Variants in FXR1 observed in about 807,000 individuals in gnomAD.
The protein encoded by FXR1 is RNA-binding protein FXR1.
Under a neutral mutation model 84.0 loss-of-function variants are expected in FXR1, and 15 were observed. The ratio of observed to expected loss-of-function variants is 0.18; its 90% CI spans 0.12 to 0.27. The LOEUF (loss-of-function observed/expected upper bound fraction) is 0.27, where lower values mean the gene tolerates loss of function less well. Ranked by LOEUF, FXR1 falls within the 10% of genes least tolerant of loss-of-function variation. The pLI, the probability that FXR1 is intolerant of heterozygous loss-of-function variation, is 1.00. For synonymous variants in FXR1, 245 were observed against 250.7 expected (o/e 0.98, Z 0.21); for missense variants, 480 against 774.4 (o/e 0.62, Z 4.51).
chr3:180,967,937 G>A (rs1576998332), intron 13 of FXR1, 114 bp from the exon 14 acceptor site: 1 of 676,088 alleles, frequency 1.5e-6, no homozygotes, highest in Non-Finnish European at 2.6e-6. Flanking sequence ...ATCTTTCTTT[G>A]AAGCAGCCAA....
At chr3:180,967,839 A>G (rs1029157533) in intron 13 of FXR1, among the ~76,000 whole-genome samples, 1 of 152,176 alleles carries the variant, frequency 6.6e-6, no homozygotes, top group African/African-American at 2.4e-5. Flanking sequence ...TTTAATCTGT[A>G]TTAACTAGTA....
intron 15 of FXR1, among the ~76,000 whole-genome samples, chr3:180,974,844 A>AAC (rs557621994): frequency 3.3e-5 from 5 of 152,086 alleles, no homozygotes; most frequent in Admixed American, 6.5e-5. Context: ...TTTAAAAAAA[A>AAC]ACACACACAC....
intron 3 of FXR1, among the ~76,000 whole-genome samples, chr3:180,946,986 C>A (rs1369612562): frequency 6.6e-6 from 1 of 152,156 alleles, no homozygotes; most frequent in Non-Finnish European, 1.5e-5. Flanking sequence ...GCTTCTGTGA[C>A]CTATTACGTT....
At chr3:180,971,634 C>T (rs1713600998) in intron 15 of FXR1, 1 of 152,564 alleles carries the variant, frequency 6.6e-6, no homozygotes. Context: ...GTGTCTTTAA[C>T]CTAATGCGAG....
At position 180,962,960 on chromosome 3, in the gene FXR1, T is replaced by C; in HGVS notation, c.1135+20T>C. Reference sequence around the variant, plus strand: ...AGATTGGTATGGGTTTCAGACCTTCTTCCACCAGAGGGCCTGAAAAAGAGA... The same window carrying C: ...AGATTGGTATGGGTTTCAGACCTTCCTCCACCAGAGGGCCTGAAAAAGAGA... On this transcript the variant is annotated intron_variant, in intron 12 of 16. Coordinates refer to ENST00000357559, the MANE Select transcript of FXR1 (RefSeq NM_005087.4). 1 of 1,611,912 alleles carries C rather than the reference T, an allele frequency of 6.2e-7. No homozygotes were observed. Among genetic ancestry groups the C allele is most frequent in the Non-Finnish European group, 8.5e-7 (1 of 1,177,982 alleles).
intron 8 of FXR1, among the ~76,000 whole-genome samples, chr3:180,952,071 T>G (rs1037949196): frequency 2.0e-5 from 3 of 152,150 alleles, no homozygotes; most frequent in African/African-American, 7.2e-5. Flanking sequence ...ACATGCATCT[T>G]ATCTATATTT....
intron 10 of FXR1, among the ~76,000 whole-genome samples, chr3:180,959,246 C>T (rs542391987): frequency 1.3e-4 from 19 of 151,990 alleles, no homozygotes; most frequent in African/African-American, 3.4e-4. Context: ...AATTTTTTGT[C>T]GTGTTTCTTC....
intron 13 of FXR1, among the ~76,000 whole-genome samples, chr3:180,963,855 C>G (rs942953713): frequency 6.6e-6 from 1 of 151,480 alleles, no homozygotes; most frequent in African/African-American, 2.4e-5. Context: ...TAGCAGTGAC[C>G]TGATTTGTTT....
rs997999329 is a variant in FXR1, at chr3:180,976,738, T to A, written c.*446T>A. On this transcript the variant is annotated 3_prime_UTR_variant, in exon 17 of 17. Transcript: ENST00000357559. ...ATATTTTGCACTGAATTGTAATTTC[T>A]TCATTAGTTTAGTCTGGAAACTGGT... is the stretch of plus-strand genomic sequence containing the variant. The A allele has an allele frequency of 6.5e-6, 1 of 152,816 alleles. No individual in the cohort carries two copies. The highest frequency in any genetic ancestry group is 2.4e-5 in the African/African-American group (1 of 41,456). 9.5% of individuals were successfully genotyped at this position (152,816 alleles called of 1,614,324 possible).
At chr3:180,916,468 T>G (rs1393353974) in intron 1 of FXR1, among the ~76,000 whole-genome samples, 7 of 152,202 alleles carry the variant, frequency 4.6e-5, no homozygotes, top group Admixed American at 3.9e-4. Flanking sequence ...AGCGCAGTGG[T>G]GCGATCTCGG....
At chr3:180,943,873 T>C (rs1399970661) in intron 3 of FXR1, among the ~76,000 whole-genome samples, 1 of 152,132 alleles carries the variant, frequency 6.6e-6, no homozygotes, top group Non-Finnish European at 1.5e-5. Context: ...GAACTGCCTC[T>C]CTGAGATAGT....
chr3:180,952,984 T>C (rs929458465), intron 8 of FXR1, among the ~76,000 whole-genome samples: 3 of 152,088 alleles, frequency 2.0e-5, no homozygotes, highest in African/African-American at 7.2e-5. Context: ...AGGCATGTGC[T>C]GCCATGCTGG....
chr3:180,916,123 A>C (rs1263087143), intron 1 of FXR1, among the ~76,000 whole-genome samples: 1 of 152,206 alleles, frequency 6.6e-6, no homozygotes, highest in Non-Finnish European at 1.5e-5. Flanking sequence ...GTTTTATACT[A>C]CTGGACATTT....
In FXR1 at chr3:180,970,383, AATATATATATATATATAT is replaced by A. The variant is rs56345724; in HGVS notation, c.1603+47_1603+64del. 4.5e-4 allele frequency: 167 copies of A among 368,180 alleles called. 3 individuals carry two copies. The highest frequency in any genetic ancestry group is 2.8e-3 in the East Asian group (40 of 14,270). The allele number at this position is 368,180 out of a possible 1,614,324, so 22.8% of individuals were successfully genotyped here. ...GGTATGTAAGCACTTAGGGAAGAGA[AATATATATATATATATAT>A]ATATATATATATATATATATAATTG... is the stretch of plus-strand genomic sequence containing the variant. On this transcript the variant is annotated intron_variant, in intron 15 of 16. Coordinates refer to ENST00000357559, the MANE Select transcript of FXR1 (RefSeq NM_005087.4).
At chr3:180,961,617 C>A in intron 11 of FXR1, 63 bp downstream of exon 11, 2 of 729,714 alleles carry the variant, frequency 2.7e-6, no homozygotes, top group South Asian at 1.8e-5. Context: ...AAATGTTGTA[C>A]ATTTGCTACA....
intron 1 of FXR1, among the ~76,000 whole-genome samples, chr3:180,914,138 T>C (rs1717595079): frequency 6.6e-6 from 1 of 152,198 alleles, no homozygotes; most frequent in Admixed American, 6.5e-5. Context: ...AGACTTTATG[T>C]TAATGCGTGA....
In FXR1 at chr3:180,947,936, A is replaced by C; in HGVS notation, c.270A>C (p.Glu90Asp). ...WLAKVRMMKG[E>D]FYVIEYAACD... The stretch of plus-strand genomic sequence containing the variant: ...CTAAAGTTCGGATGATGAAAGGAGA[A>C]GTAAGTACTCTTCACACTTGCTTTG... The change falls in exon 4 of 17, where the codon GAA (glutamate) becomes GAC (aspartate). Residue 90 changes from glutamate (E) to aspartate (D), a missense_variant and splice_region_variant. Glu to Asp is a conservative substitution (Grantham distance 45, BLOSUM62 2). This residue lies in a region of FXR1 where 136 missense variants were observed against 315.4 expected (regional missense o/e 0.43). Transcript: ENST00000357559. 6.3e-7 allele frequency: 1 copy of C among 1,576,486 alleles called. No homozygotes were observed. The highest frequency in any genetic ancestry group is 1.1e-5 in the South Asian group (1 of 89,532).
At chr3:180,957,005 C>G (rs1040961476) in intron 9 of FXR1, among the ~76,000 whole-genome samples, 2 of 152,128 alleles carry the variant, frequency 1.3e-5, no homozygotes, top group Non-Finnish European at 2.9e-5. Flanking sequence ...AGGGATACAT[C>G]GGTTCCATAT....
intron 1 of FXR1, among the ~76,000 whole-genome samples, chr3:180,919,288 G>T (rs866975750): frequency 6.6e-4 from 89 of 135,602 alleles, no homozygotes; most frequent in East Asian, 2.6e-3. Context: ...TTTTATTTTT[G>T]TTTTTTTTTT....
Sources: allele counts gnomAD v4.1 joint callset (sites outside exome capture counted in the v4.1 genomes callset), GRCh38; gene constraint gnomAD v4.1.1; regional missense constraint gnomAD v4.1.1; transcripts MANE v1.5; gene names NCBI Gene and HGNC (gene_info 2026-07-23, HGNC 2026-07-21).